DNAJC3: variants seen among roughly 807,000 people sequenced by gnomAD.
DNAJC3 encodes the protein dnaJ homolog subfamily C member 3.
Under a neutral mutation model 68.6 loss-of-function variants are expected in DNAJC3, and 38 were observed. That is an observed-to-expected ratio of 0.55 (90% confidence interval 0.43 to 0.73). DNAJC3 has a LOEUF of 0.73. Among genes scored for constraint, DNAJC3 ranks in the 30% least tolerant of loss-of-function variants. The pLI, the probability that DNAJC3 is intolerant of heterozygous loss-of-function variation, is 0.00. For synonymous variants in DNAJC3, 203 were observed against 204.0 expected (o/e 1.00, Z 0.04); for missense variants, 526 against 591.9 (o/e 0.89, Z 1.16).
intron 4 of DNAJC3, among the ~76,000 whole-genome samples, chr13:95,736,427 C>G (rs1449343324): frequency 6.7e-6 from 1 of 148,606 alleles, no homozygotes; most frequent in South Asian, 2.2e-4. Context: ...TGGCCATTTT[C>G]ACGATATTGA....
At chr13:95,737,662 G>A (rs1364501204) in intron 4 of DNAJC3, among the ~76,000 whole-genome samples, 2 of 151,804 alleles carry the variant, frequency 1.3e-5, no homozygotes, top group Non-Finnish European at 1.5e-5. Context: ...GGGATCGGTG[G>A]TGATATCCCC....
At chr13:95,756,141 A>G (rs1247052324) in intron 4 of DNAJC3, among the ~76,000 whole-genome samples, 8 of 152,210 alleles carry the variant, frequency 5.3e-5, no homozygotes, top group African/African-American at 1.7e-4. Flanking sequence ...GATACATTCT[A>G]TCTAAGAGGG....
rs374776275 is a variant in DNAJC3, at chr13:95,729,376, T to TTCTCCC, written c.393+4147_393+4152dup. On this transcript the variant is annotated intron_variant, in intron 4 of 11. Coordinates refer to ENST00000602402, the MANE Select transcript of DNAJC3 (RefSeq NM_006260.5). The stretch of plus-strand genomic sequence containing the variant: ...CCCATCCTTCTCCCTCTGCCTATCC[T>TTCTCCC]TCTCCCTCTCCCTCTCCCTCTCCCT... Among the ~76,000 whole-genome samples, 673 of 128,318 alleles carry TTCTCCC rather than the reference T, an allele frequency of 5.2e-3. 4 individuals carry two copies. The highest frequency in any genetic ancestry group is 0.018 in the African/African-American group (626 of 34,256). The allele number at this position is 128,318 out of a possible 152,430, so 84.2% of individuals were successfully genotyped here.
chr13:95,745,954 G>A (rs1275910209), intron 4 of DNAJC3, among the ~76,000 whole-genome samples: 1 of 152,164 alleles, frequency 6.6e-6, no homozygotes, highest in Non-Finnish European at 1.5e-5. Context: ...TGGTTTGCAT[G>A]GATTATTCCA....
intron 2 of DNAJC3, among the ~76,000 whole-genome samples, chr13:95,721,937 G>A (rs1204316256): frequency 6.6e-6 from 1 of 152,102 alleles, no homozygotes; most frequent in African/African-American, 2.4e-5. Flanking sequence ...TTTTCCAAAT[G>A]ACAAGAACTT....
In DNAJC3 at chr13:95,710,988, C is replaced by T. The variant is rs1306404556; in HGVS notation, c.193+1651C>T. On this transcript the variant is annotated intron_variant, in intron 2 of 11. Coordinates refer to ENST00000602402, the MANE Select transcript of DNAJC3 (RefSeq NM_006260.5). ...TATAGGTGTGAGCTACCGTGCCCAG[C>T]TGGTGTGTTTTTTAATAAGATACAG... 2.0e-5 allele frequency among the ~76,000 whole-genome samples: 3 copies of T among 152,202 alleles called. No homozygotes were observed. In the East Asian group the frequency reaches 5.8e-4, roughly 29 times the overall value.
chr13:95,723,719 T>TACCTGGTAC (rs1881419739), intron 3 of DNAJC3, among the ~76,000 whole-genome samples: 1 of 152,176 alleles, frequency 6.6e-6, no homozygotes, highest in East Asian at 1.9e-4. Context: ...CTGGCAGCAG[T>TACCTGGTAC]TGCACTTAAG....
intron 1 of DNAJC3, among the ~76,000 whole-genome samples, chr13:95,687,426 AGTGAACATC>A (rs977851880): frequency 2.0e-4 from 30 of 152,196 alleles, no homozygotes; most frequent in African/African-American, 7.0e-4. Flanking sequence ...GAATAGTAAG[AGTGAACATC>A]ATTGTCCTGT....
intron 4 of DNAJC3, among the ~76,000 whole-genome samples, chr13:95,727,807 A>T (rs1283554331): frequency 6.6e-6 from 1 of 152,150 alleles, no homozygotes; most frequent in Non-Finnish European, 1.5e-5. Flanking sequence ...GTGTTGGTTC[A>T]TGTACCTACC....
chr13:95,760,568 G>T, intron 6 of DNAJC3, 111 bp from the exon 7 acceptor site: 1 of 1,368,714 alleles, frequency 7.3e-7, no homozygotes, highest in Non-Finnish European at 9.8e-7. Flanking sequence ...TCTCAGTATG[G>T]TTTTTGTTTA....
intron 1 of DNAJC3, among the ~76,000 whole-genome samples, chr13:95,679,549 A>G (rs1197665661): frequency 2.0e-5 from 3 of 152,216 alleles, no homozygotes; most frequent in Admixed American, 2.0e-4. Context: ...GTTTTCCCAA[A>G]TAAATTGTGT....
chr13:95,709,508 TTAAA>T (rs1281340960), intron 2 of DNAJC3, among the ~76,000 whole-genome samples, 171 bp downstream of exon 2: 4 of 152,318 alleles, frequency 2.6e-5, no homozygotes, highest in African/African-American at 9.6e-5. Context: ...TATATAACAC[TTAAA>T]TGTATGTGCA....
intron 9 of DNAJC3, among the ~76,000 whole-genome samples, chr13:95,772,974 G>A (rs985520083): frequency 1.3e-5 from 2 of 152,074 alleles, no homozygotes; most frequent in Non-Finnish European, 2.9e-5. Flanking sequence ...TGTTAAGGAT[G>A]TACTGGACTC....
At chr13:95,714,681 TG>T (rs1881081524) in intron 2 of DNAJC3, among the ~76,000 whole-genome samples, 1 of 152,252 alleles carries the variant, frequency 6.6e-6, no homozygotes, top group Admixed American at 6.5e-5. Context: ...ACTATTTTTC[TG>T]GTGATTCAAA....
At chr13:95,743,544 C>CCACT in intron 4 of DNAJC3, among the ~76,000 whole-genome samples, 1 of 152,288 alleles carries the variant, frequency 6.6e-6, no homozygotes, top group South Asian at 2.1e-4. Context: ...CAGCCTCAGG[C>CCACT]CACTGGCCTC....
chr13:95,721,743 G>A (rs17879602), intron 2 of DNAJC3, among the ~76,000 whole-genome samples: 2,030 of 151,340 alleles, frequency 0.013, 44 homozygotes, highest in African/African-American at 0.047. Context: ...AACTTGTGAT[G>A]GTGAGCATCT....
intron 4 of DNAJC3, among the ~76,000 whole-genome samples, chr13:95,744,095 A>G (rs932212378): frequency 1.3e-5 from 2 of 152,234 alleles, no homozygotes; most frequent in African/African-American, 4.8e-5. Flanking sequence ...GTGCATGAAC[A>G]TAGTAGGGAT....
intron 1 of DNAJC3, among the ~76,000 whole-genome samples, chr13:95,691,413 G>T (rs1366481042): frequency 6.6e-6 from 1 of 151,848 alleles, no homozygotes; most frequent in Non-Finnish European, 1.5e-5. Context: ...TCACATCCCG[G>T]ACGGGGCGGC....
At chr13:95,690,635 C>A (rs1880208731) in intron 1 of DNAJC3, among the ~76,000 whole-genome samples, 1 of 146,218 alleles carries the variant, frequency 6.8e-6, no homozygotes, top group Non-Finnish European at 1.5e-5. Flanking sequence ...CACCTCCCTC[C>A]CGGACGGGGC....
Sources: allele counts gnomAD v4.1 joint callset (sites outside exome capture counted in the v4.1 genomes callset), GRCh38; gene constraint gnomAD v4.1.1; transcripts MANE v1.5; gene names NCBI Gene and HGNC (gene_info 2026-07-23, HGNC 2026-07-21).